Variants in SCFD2 observed in about 807,000 individuals in gnomAD.
SCFD2 encodes sec1 family domain containing 2, also known as sec1 family domain-containing protein 2.
Under a neutral mutation model 58.9 loss-of-function variants are expected in SCFD2, and 54 were observed. The ratio of observed to expected loss-of-function variants is 0.92; its 90% CI spans 0.74 to 1.15. SCFD2 has a LOEUF of 1.15. Among genes scored for constraint, SCFD2 ranks in the 50% most tolerant of loss-of-function variants. The probability of loss-of-function intolerance (pLI) is 0.00; values close to 1 mark genes in which losing one functional copy is unlikely to be tolerated. For missense variants in SCFD2, 805 were observed against 836.6 expected, an observed-to-expected ratio of 0.96 and a Z score of 0.47; for synonymous variants, 321 against 335.9, an observed-to-expected ratio of 0.96 and a Z score of 0.49.
intron 7 of SCFD2, among the ~76,000 whole-genome samples, chr4:52,899,572 T>G (rs1281338388): frequency 6.6e-6 from 1 of 152,248 alleles, no homozygotes; most frequent in Non-Finnish European, 1.5e-5. Context: ...TCTCTCTGGC[T>G]GCCCTGAACA....
intron 4 of SCFD2, among the ~76,000 whole-genome samples, chr4:53,168,053 C>G (rs1727061097): frequency 6.6e-6 from 1 of 152,140 alleles, no homozygotes; most frequent in African/African-American, 2.4e-5. Context: ...TCACTGCTGA[C>G]TTGTAAGGAA....
Position 53,258,483 on chromosome 4 carries a change from C to A in SCFD2, c.1311+15343G>T, listed in dbSNP as rs890796269. ...ATCTCCAATTCCATCAAGGTTGCTGCAAATGCCATTATTTTGTTTCTTTTT... is the reference window on the plus strand; with the variant it reads ...ATCTCCAATTCCATCAAGGTTGCTGAAAATGCCATTATTTTGTTTCTTTTT... On this transcript the variant is annotated intron_variant, in intron 4 of 8. Coordinates refer to ENST00000401642, the MANE Select transcript of SCFD2 (RefSeq NM_152540.4). Among the ~76,000 whole-genome samples, 8 of 147,966 alleles carry A rather than the reference C, an allele frequency of 5.4e-5. No homozygotes were observed. The East Asian group carries it at 6.1e-4, about 11-fold the overall frequency.
intron 4 of SCFD2, among the ~76,000 whole-genome samples, chr4:53,252,471 C>T (rs1159016159): frequency 1.3e-5 from 2 of 151,230 alleles, no homozygotes; most frequent in African/African-American, 4.9e-5. Context: ...ATCACACTAC[C>T]TGACTTCAAA....
chr4:53,310,892 T>C (rs1732669715), intron 3 of SCFD2, among the ~76,000 whole-genome samples: 2 of 152,224 alleles, frequency 1.3e-5, no homozygotes, highest in African/African-American at 4.8e-5. Context: ...AATTAAAATC[T>C]GTTTAACATC....
At chr4:53,279,595 T>C (rs1731443702) in intron 3 of SCFD2, among the ~76,000 whole-genome samples, 1 of 152,222 alleles carries the variant, frequency 6.6e-6, no homozygotes, top group Non-Finnish European at 1.5e-5. Context: ...ATTATGTCAA[T>C]ATAGTTTGTG....
At chr4:53,346,525 C>T (rs1453702456) in intron 2 of SCFD2, among the ~76,000 whole-genome samples, 1 of 152,070 alleles carries the variant, frequency 6.6e-6, no homozygotes, top group African/African-American at 2.4e-5. Flanking sequence ...CCACCTGTCT[C>T]GGCCTCCCAA....
intron 7 of SCFD2, among the ~76,000 whole-genome samples, chr4:52,892,110 G>T (rs1370422272): frequency 6.6e-6 from 1 of 152,260 alleles, no homozygotes; most frequent in Non-Finnish European, 1.5e-5. Flanking sequence ...CAAGTCTGAA[G>T]TGCAAGTTTT....
At chr4:52,913,996 A>G (rs891735954) in intron 6 of SCFD2, among the ~76,000 whole-genome samples, 2 of 152,234 alleles carry the variant, frequency 1.3e-5, no homozygotes, top group African/African-American at 4.8e-5. Context: ...ACACACTGTT[A>G]AGTTTTGATT....
At chr4:53,081,515 C>T (rs1724146528) in intron 5 of SCFD2, among the ~76,000 whole-genome samples, 1 of 152,118 alleles carries the variant, frequency 6.6e-6, no homozygotes, top group Non-Finnish European at 1.5e-5. Flanking sequence ...TTTTCCATTC[C>T]TATGAACCAC....
chr4:53,306,173 G>A (rs1238119171), intron 3 of SCFD2, among the ~76,000 whole-genome samples: 4 of 152,184 alleles, frequency 2.6e-5, no homozygotes, highest in Non-Finnish European at 5.9e-5. Context: ...CTGAACCATA[G>A]GAAATGGGGT....
chr4:53,100,996 T>C (rs1724817457), intron 5 of SCFD2, among the ~76,000 whole-genome samples: 1 of 152,108 alleles, frequency 6.6e-6, no homozygotes, highest in African/African-American at 2.4e-5. Context: ...AAGACAGATA[T>C]CCACCTCTGG....
At chr4:53,003,871 G>A (rs1225788813) in intron 5 of SCFD2, among the ~76,000 whole-genome samples, 1 of 152,172 alleles carries the variant, frequency 6.6e-6, no homozygotes, top group Non-Finnish European at 1.5e-5. Context: ...GGATGGGTAG[G>A]CTGAAATGTA....
chr4:53,223,158 C>G (rs1301667379), intron 4 of SCFD2, among the ~76,000 whole-genome samples: 1 of 152,150 alleles, frequency 6.6e-6, no homozygotes, highest in Non-Finnish European at 1.5e-5. Context: ...AAAAATATGG[C>G]TTGGCCTGTC....
At chr4:53,304,918 G>T (rs1732465458) in intron 3 of SCFD2, among the ~76,000 whole-genome samples, 1 of 151,936 alleles carries the variant, frequency 6.6e-6, no homozygotes, top group Admixed American at 6.6e-5. Context: ...CTCATTTTTG[G>T]AATTTTCAGG....
chr4:53,238,406 AC>A (rs1254069367), intron 4 of SCFD2, among the ~76,000 whole-genome samples: 1 of 119,242 alleles, frequency 8.4e-6, no homozygotes, highest in African/African-American at 3.3e-5. Context: ...CGGGGGGCTG[AC>A]CCCCCTACCT....
At chr4:52,934,878 A>G (rs1720096814) in intron 5 of SCFD2, among the ~76,000 whole-genome samples, 1 of 152,178 alleles carries the variant, frequency 6.6e-6, no homozygotes, top group Non-Finnish European at 1.5e-5. Flanking sequence ...AAGCGACAAG[A>G]GTTGGTTGCT....
At chr4:53,293,417 C>T (rs1731911618) in intron 3 of SCFD2, among the ~76,000 whole-genome samples, 1 of 151,976 alleles carries the variant, frequency 6.6e-6, no homozygotes, top group Admixed American at 6.6e-5. Flanking sequence ...ACAAGTTTAC[C>T]TATGTAACAA....
At chr4:53,199,405 G>A (rs1411894838) in intron 4 of SCFD2, among the ~76,000 whole-genome samples, 1 of 152,038 alleles carries the variant, frequency 6.6e-6, no homozygotes, top group African/African-American at 2.4e-5. Flanking sequence ...AGTATAAGAA[G>A]AAATACATTT....
intron 4 of SCFD2, among the ~76,000 whole-genome samples, chr4:53,150,515 A>G (rs1726473145): frequency 6.6e-6 from 1 of 152,212 alleles, no homozygotes; most frequent in Admixed American, 6.5e-5. Context: ...TGGAACCTTG[A>G]CAATAACGAA....
Sources: allele counts gnomAD v4.1 joint callset (sites outside exome capture counted in the v4.1 genomes callset), GRCh38; gene constraint gnomAD v4.1.1; transcripts MANE v1.5; gene names NCBI Gene and HGNC (gene_info 2026-07-23, HGNC 2026-07-21).